WARS2: variants seen among roughly 807,000 people sequenced by gnomAD.
WARS2 encodes tryptophan--tRNA ligase, mitochondrial.
In WARS2, 28 loss-of-function variants were observed where a neutral mutation model predicts 36.5. The observed-to-expected ratio is 0.77, with a 90% confidence interval of 0.57 to 1.05. The LOEUF is 1.05. Among genes scored for constraint, WARS2 ranks in the 50% least tolerant of loss-of-function variants. The pLI is 0.00. For synonymous variants in WARS2, 174 were observed against 178.4 expected (o/e 0.98, Z 0.20); for missense variants, 435 against 456.8 (o/e 0.95, Z 0.44).
chr1:119,070,574 C>T (rs1260387189), intron 2 of WARS2, among the ~76,000 whole-genome samples: 1 of 138,370 alleles, frequency 7.2e-6, no homozygotes, highest in Non-Finnish European at 1.6e-5. Context: ...GCCAGCCTTA[C>T]ACATTTAAAA....
chr1:119,107,098 A>G (rs1654290314), intron 1 of WARS2, among the ~76,000 whole-genome samples: 1 of 152,048 alleles, frequency 6.6e-6, no homozygotes, highest in South Asian at 2.1e-4. Context: ...TGCCATCTGT[A>G]TATCTTTGTT....
chr1:119,035,497 GATATAAT>G (rs1399090900), intron 4 of WARS2, among the ~76,000 whole-genome samples: 1 of 152,032 alleles, frequency 6.6e-6, no homozygotes, highest in Non-Finnish European at 1.5e-5. Context: ...GGTTGCTATT[GATATAAT>G]ATATAACTAT....
chr1:119,113,741 T>C (rs1174151922), intron 1 of WARS2, among the ~76,000 whole-genome samples: 1 of 152,136 alleles, frequency 6.6e-6, no homozygotes, highest in African/African-American at 2.4e-5. Context: ...ATTGAGCCTC[T>C]TGGCTCTTTC....
intron 1 of WARS2, among the ~76,000 whole-genome samples, chr1:119,108,773 T>C (rs1454829508): frequency 6.6e-6 from 1 of 152,006 alleles, no homozygotes. Context: ...AATGTGCTTT[T>C]ATTTTGCTAG....
At chr1:119,085,992 C>T in intron 1 of WARS2, 1 of 1,601,628 alleles carries the variant, frequency 6.2e-7, no homozygotes, top group Non-Finnish European at 8.5e-7. Context: ...GTATCAGTGC[C>T]CAGGCAAGGC....
At chr1:119,066,416 T>C (rs1239017781) in intron 2 of WARS2, among the ~76,000 whole-genome samples, 3 of 144,198 alleles carry the variant, frequency 2.1e-5, no homozygotes, top group Non-Finnish European at 4.5e-5. Context: ...AGGCAGAGCT[T>C]GCAGTGAGCT....
chr1:119,139,968 A>G (rs1557767241), intron 1 of WARS2: 1 of 152,208 alleles, frequency 6.6e-6, no homozygotes, highest in Non-Finnish European at 1.5e-5. Flanking sequence ...CAAGCGCAGG[A>G]CAGGACAAAC....
intron 1 of WARS2, among the ~76,000 whole-genome samples, chr1:119,135,835 G>A (rs1220711379): frequency 1.3e-5 from 2 of 152,008 alleles, no homozygotes; most frequent in Non-Finnish European, 2.9e-5. Context: ...CTGTGTAGTG[G>A]CACAATCGCT....
intron 2 of WARS2, among the ~76,000 whole-genome samples, chr1:119,074,280 A>G (rs1651549515): frequency 6.6e-6 from 1 of 152,248 alleles, no homozygotes. Context: ...ACCCAGGGAC[A>G]GCTAGTTTGT....
chr1:119,126,383 C>T (rs758405166), intron 1 of WARS2, among the ~76,000 whole-genome samples: 4 of 151,914 alleles, frequency 2.6e-5, no homozygotes, highest in Non-Finnish European at 5.9e-5. Flanking sequence ...TAAAAACTTA[C>T]ATAATACCTA....
chr1:119,134,159 T>C (rs1279307687), intron 1 of WARS2, among the ~76,000 whole-genome samples: 1 of 151,578 alleles, frequency 6.6e-6, no homozygotes, highest in Non-Finnish European at 1.5e-5. Context: ...TGAGTCACAA[T>C]CAGAACATGA....
Position 119,033,188 on chromosome 1 carries a change from C to A in WARS2, c.806G>T (p.Arg269Leu). Residue 269 changes from arginine (R) to leucine (L), a missense_variant, in exon 6 of 6, where the codon CGC (arginine) becomes CTC (leucine). Transcript: ENST00000235521. ...CGCCACTATGTTGGACACGCCAGCG[C>A]GGCCAGCCGGGTCATAGGTGACCTC... ...TSEVTYDPAG[R>L]AGVSNIVAVH... is the part of the protein sequence containing the mutation. 6.2e-7 allele frequency: 1 copy of A among 1,614,234 alleles called. No homozygotes were observed.
Position 119,045,571 on chromosome 1 carries a change from C to T in WARS2, c.429+11G>A. ...TCTTGTCTGTTTATTAATCAGATTA[C>T]TGGCATTTACCTTCCACTGATGTAA... On this transcript the variant is annotated intron_variant, in intron 3 of 5. Transcript: ENST00000235521. 6.3e-7 allele frequency: 1 copy of T among 1,582,324 alleles called. No homozygotes were observed. Among genetic ancestry groups the T allele is most frequent in the Non-Finnish European group, 8.6e-7 (1 of 1,159,016 alleles).
chr1:119,135,902 C>T (rs892506348), intron 1 of WARS2, among the ~76,000 whole-genome samples: 8 of 138,984 alleles, frequency 5.8e-5, no homozygotes, highest in African/African-American at 1.9e-4. Flanking sequence ...TCCTGACTAG[C>T]TGGGACTACA....
intron 2 of WARS2, among the ~76,000 whole-genome samples, chr1:119,066,848 T>C (rs1011423278): frequency 1.3e-5 from 2 of 152,212 alleles, no homozygotes; most frequent in African/African-American, 4.8e-5. Context: ...AGGCCAATGA[T>C]GTATATATCA....
chr1:119,071,759 C>T (rs2101285263), intron 2 of WARS2, among the ~76,000 whole-genome samples: 1 of 152,052 alleles, frequency 6.6e-6, no homozygotes, highest in Middle Eastern at 3.4e-3. Flanking sequence ...AATATGGTGA[C>T]CATAGTTAAT....
At chr1:119,119,205 ATAAAG>A (rs931368919) in intron 1 of WARS2, among the ~76,000 whole-genome samples, 2 of 152,104 alleles carry the variant, frequency 1.3e-5, no homozygotes, top group African/African-American at 4.8e-5. Context: ...AAAGACTCAC[ATAAAG>A]TAAAGGAGTG....
intron 2 of WARS2, 96 bp downstream of exon 2, chr1:119,076,254 A>G: frequency 6.8e-7 from 1 of 1,469,806 alleles, no homozygotes. Flanking sequence ...AACACTTTTT[A>G]AAAATCACGA....
At chr1:119,104,671 T>C (rs775860110) in intron 1 of WARS2, among the ~76,000 whole-genome samples, 60 of 150,670 alleles carry the variant, frequency 4.0e-4, no homozygotes, top group Non-Finnish European at 8.1e-4. Flanking sequence ...AATTCCCTAC[T>C]TTAGATAGGA....
Sources: gnomAD v4.1 joint callset for allele counts (sites outside exome capture counted in the v4.1 genomes callset) on GRCh38, gnomAD v4.1.1 for gene constraint, MANE v1.5 for transcripts, NCBI Gene and HGNC (gene_info 2026-07-23, HGNC 2026-07-21) for gene names.